ARHGAP31: variants seen among roughly 807,000 people sequenced by gnomAD.
ARHGAP31 encodes the protein rho GTPase-activating protein 31.
A neutral mutation model predicts 113.9 loss-of-function variants in ARHGAP31; 34 were observed. The observed-to-expected ratio is 0.30, with a 90% CI of 0.23 to 0.40. ARHGAP31 has a LOEUF of 0.40. ARHGAP31 is among the 10% of genes least tolerant of loss of function. The probability of loss-of-function intolerance (pLI) is 1.00; values close to 1 mark genes in which losing one functional copy is unlikely to be tolerated. For synonymous variants in ARHGAP31, 650 were observed against 684.8 expected, an observed-to-expected ratio of 0.95 and a Z score of 0.79; for missense variants, 1,548 against 1,767.1, an observed-to-expected ratio of 0.88 and a Z score of 2.22.
At chr3:119,328,047 T>A (rs978290010) in intron 1 of ARHGAP31, among the ~76,000 whole-genome samples, 3 of 152,330 alleles carry the variant, frequency 2.0e-5, no homozygotes, top group African/African-American at 7.2e-5. Flanking sequence ...GAGTTGTTTT[T>A]AGATGTCTCA....
At chr3:119,357,438 C>T (rs2080167748) in intron 1 of ARHGAP31, among the ~76,000 whole-genome samples, 1 of 152,050 alleles carries the variant, frequency 6.6e-6, no homozygotes, top group Admixed American at 6.6e-5. Context: ...GGAGGGAAAG[C>T]TCAGCAATCG....
At position 119,420,599 on chromosome 3, in the gene ARHGAP31, C is replaced by CT. The variant is rs2080812153; in HGVS notation, c.*4337dup. The CT allele has an allele frequency of 6.6e-6, 1 of 152,136 alleles. No individual in the cohort carries two copies. The highest frequency in any genetic ancestry group is 2.4e-5 in the African/African-American group (1 of 41,428). 9.4% of individuals were successfully genotyped at this position (152,136 alleles called of 1,614,324 possible). On this transcript the variant is annotated 3_prime_UTR_variant, in exon 12 of 12. Coordinates refer to ENST00000264245, the MANE Select transcript of ARHGAP31 (RefSeq NM_020754.4). Reference sequence around the variant, plus strand: ...GGGGGACGTAGCTAAATATAAGAAGCTTACAAGGTCCATAGCCATGTATTT... The same window carrying CT: ...GGGGGACGTAGCTAAATATAAGAAGCTTTACAAGGTCCATAGCCATGTATTT...
intron 11 of ARHGAP31, 149 bp downstream of exon 11, chr3:119,409,925 G>T (rs1218082579): frequency 3.2e-5 from 27 of 845,376 alleles, no homozygotes; most frequent in Non-Finnish European, 4.5e-5. Context: ...TGTAATGAAG[G>T]TCTGAGATTT....
intron 5 of ARHGAP31, among the ~76,000 whole-genome samples, 197 bp from the exon 6 acceptor site, chr3:119,382,887 A>G (rs2080414138): frequency 6.6e-6 from 1 of 152,230 alleles, no homozygotes; most frequent in Non-Finnish European, 1.5e-5. Flanking sequence ...GTACCTGGTA[A>G]CTGTTTCAAA....
intron 1 of ARHGAP31, among the ~76,000 whole-genome samples, chr3:119,331,914 C>T (rs909505366): frequency 6.6e-6 from 1 of 152,124 alleles, no homozygotes; most frequent in African/African-American, 2.4e-5. Context: ...CCTCACTACA[C>T]GGCCCATTCC....
intron 1 of ARHGAP31, among the ~76,000 whole-genome samples, chr3:119,344,095 A>C (rs2080034073): frequency 1.3e-5 from 2 of 152,256 alleles, no homozygotes; most frequent in Non-Finnish European, 2.9e-5. Flanking sequence ...TGCCACATTC[A>C]GCAGATAAAA....
At chr3:119,404,059 A>G (rs1312307115) in intron 10 of ARHGAP31, among the ~76,000 whole-genome samples, 2 of 152,172 alleles carry the variant, frequency 1.3e-5, no homozygotes, top group Non-Finnish European at 2.9e-5. Context: ...ATCTCGGGGT[A>G]TCAAGTGATG....
intron 10 of ARHGAP31, among the ~76,000 whole-genome samples, chr3:119,405,875 G>A (rs1334065223): frequency 1.3e-5 from 2 of 152,196 alleles, no homozygotes; most frequent in Admixed American, 6.5e-5. Flanking sequence ...TACTGCCTCT[G>A]TTCTGAGGAA....
At chr3:119,409,296 C>T (rs906505366) in intron 10 of ARHGAP31, among the ~76,000 whole-genome samples, 200 bp from the exon 11 acceptor site, 2 of 152,170 alleles carry the variant, frequency 1.3e-5, no homozygotes, top group Admixed American at 1.3e-4. Flanking sequence ...GAGGTCCCTT[C>T]CTTCTTTGAC....
chr3:119,311,076 C>G (rs2079679427), intron 1 of ARHGAP31, among the ~76,000 whole-genome samples: 1 of 152,162 alleles, frequency 6.6e-6, no homozygotes, highest in Non-Finnish European at 1.5e-5. Context: ...CCCCATCACG[C>G]CTGTCCGTTT....
intron 1 of ARHGAP31, among the ~76,000 whole-genome samples, chr3:119,348,094 C>T (rs1347865789): frequency 1.3e-5 from 2 of 152,194 alleles, no homozygotes; most frequent in African/African-American, 4.8e-5. Flanking sequence ...TGAGCTCCAC[C>T]TCCTGTCAGA....
chr3:119,299,451 G>T (rs948206288), intron 1 of ARHGAP31, among the ~76,000 whole-genome samples: 1 of 152,022 alleles, frequency 6.6e-6, no homozygotes, highest in African/African-American at 2.4e-5. Context: ...TTGATTTGAG[G>T]CATGACAGAG....
intron 3 of ARHGAP31, among the ~76,000 whole-genome samples, 159 bp from the exon 4 acceptor site, chr3:119,380,745 T>A (rs2080389943): frequency 6.6e-6 from 1 of 152,126 alleles, no homozygotes. Flanking sequence ...GAAACTGTAG[T>A]GGGATAGTTG....
chr3:119,373,792 G>A (rs1023032682), intron 3 of ARHGAP31, among the ~76,000 whole-genome samples: 5 of 152,086 alleles, frequency 3.3e-5, no homozygotes, highest in Non-Finnish European at 7.4e-5. Flanking sequence ...GTTTTCTGTT[G>A]GAAGTATAAA....
intron 1 of ARHGAP31, among the ~76,000 whole-genome samples, chr3:119,350,309 G>A (rs2080100074): frequency 6.6e-6 from 1 of 152,160 alleles, no homozygotes; most frequent in African/African-American, 2.4e-5. Flanking sequence ...GGGAATATTG[G>A]GCAGGAAATG....
At position 119,294,818 on chromosome 3, in the gene ARHGAP31, C is replaced by T. The variant is rs758792407; in HGVS notation, c.-87C>T. 4 of 1,270,322 alleles carry T rather than the reference C, an allele frequency of 3.1e-6. No individual in the cohort carries two copies. The highest frequency in any genetic ancestry group is 2.4e-5 in the South Asian group (2 of 83,848). 78.7% of individuals were successfully genotyped at this position (1,270,322 alleles called of 1,614,324 possible). A position where few individuals can be genotyped will look rare whatever the true frequency, so the allele number is the denominator to read the frequency against. On this transcript the variant is annotated 5_prime_UTR_variant, in exon 1 of 12. Coordinates refer to ENST00000264245, the MANE Select transcript of ARHGAP31 (RefSeq NM_020754.4). Reference sequence around the variant, plus strand: ...CGGCCCCCCAGAGCCGCGGGGCAGCCGGTGATCTAGCCCGGGAGCCCATCT... The same window carrying T: ...CGGCCCCCCAGAGCCGCGGGGCAGCTGGTGATCTAGCCCGGGAGCCCATCT...
chr3:119,322,988 G>A (rs980780100), intron 1 of ARHGAP31, among the ~76,000 whole-genome samples: 2 of 152,148 alleles, frequency 1.3e-5, no homozygotes, highest in Non-Finnish European at 2.9e-5. Context: ...TTTCTGCCCC[G>A]CCCCGGGGTC....
intron 1 of ARHGAP31, among the ~76,000 whole-genome samples, chr3:119,316,931 T>C (rs969765602): frequency 6.6e-6 from 1 of 152,230 alleles, no homozygotes; most frequent in African/African-American, 2.4e-5. Context: ...GCCAACCATT[T>C]ATCCCCTATG....
Position 119,402,183 on chromosome 3 carries a change from G to T in ARHGAP31, c.1431G>T (p.Pro477=). ...TSSLFQMEPS[P]RNQRKALNIS... ...GCCTCTTCCAGATGGAGCCCTCGCC[G>T]CGTAACCAGCGCAAGGCGCTGAACA... is the stretch of plus-strand genomic sequence containing the variant. The change falls in exon 10 of 12, where the codon CCG becomes CCT. Residue 477 remains proline, a synonymous_variant. Transcript: ENST00000264245. 6.2e-7 allele frequency: 1 copy of T among 1,614,258 alleles called. No individual in the cohort carries two copies. Among genetic ancestry groups the T allele is most frequent in the Non-Finnish European group, 8.5e-7 (1 of 1,180,054 alleles).
Sources: gnomAD v4.1 joint callset for allele counts (sites outside exome capture counted in the v4.1 genomes callset) on GRCh38, gnomAD v4.1.1 for gene constraint, MANE v1.5 for transcripts, NCBI Gene and HGNC (gene_info 2026-07-23, HGNC 2026-07-21) for gene names.